Variants in IGF2BP1 observed in about 807,000 individuals in gnomAD.
IGF2BP1 encodes the protein insulin-like growth factor 2 mRNA-binding protein 1.
Under a neutral mutation model 74.9 loss-of-function variants are expected in IGF2BP1, and 11 were observed. That is an observed-to-expected ratio of 0.15 (90% CI 0.09 to 0.24). The LOEUF (loss-of-function observed/expected upper bound fraction) is 0.24. Among genes scored for constraint, IGF2BP1 ranks in the 10% least tolerant of loss-of-function variants. The pLI is 1.00. For synonymous variants in IGF2BP1, 287 were observed against 281.8 expected (o/e 1.02, Z -0.18); for missense variants, 440 against 757.4 (o/e 0.58, Z 4.92).
rs2042191659 is a variant in IGF2BP1, at chr17:49,053,579, T to TA, written c.*4136dup. 1 of 152,732 alleles carries TA rather than the reference T, an allele frequency of 6.5e-6. No individual in the cohort carries two copies. Among genetic ancestry groups the TA allele is most frequent in the Non-Finnish European group, 1.5e-5 (1 of 68,122 alleles). The allele number at this position is 152,732 out of a possible 1,614,324, so 9.5% of individuals were successfully genotyped here. Reference sequence around the variant, plus strand: ...CTGTCCCCTGCCCCTACTGCAGAGATAGCACTGCCGAGTTCCCTTCAGGCC... The same window carrying TA: ...CTGTCCCCTGCCCCTACTGCAGAGATAAGCACTGCCGAGTTCCCTTCAGGCC... On this transcript the variant is annotated 3_prime_UTR_variant, in exon 15 of 15. Coordinates refer to ENST00000290341, the MANE Select transcript of IGF2BP1 (RefSeq NM_006546.4).
intron 5 of IGF2BP1, among the ~76,000 whole-genome samples, chr17:49,032,925 C>T (rs922059453): frequency 6.6e-6 from 1 of 151,784 alleles, no homozygotes; most frequent in African/African-American, 2.4e-5. Context: ...AAGCAATCCT[C>T]CCACCTCAGC....
intron 2 of IGF2BP1, among the ~76,000 whole-genome samples, chr17:49,016,467 C>T (rs79277587): frequency 0.018 from 2,785 of 152,250 alleles, 89 homozygotes; most frequent in African/African-American, 0.064. Context: ...TCCCTTCTCT[C>T]CCCTAAATAT....
chr17:49,055,751 C>T lies in IGF2BP1; in HGVS notation c.*6307C>T. ...AGGCAAAGTGGATTTGTAAGCAGTT[C>T]TGAAACATCACTTACTCAGAAGAGG... On this transcript the variant is annotated 3_prime_UTR_variant, in exon 15 of 15. Coordinates refer to ENST00000290341, the MANE Select transcript of IGF2BP1 (RefSeq NM_006546.4). 5.1e-6 allele frequency: 2 copies of T among 395,268 alleles called. No homozygotes were observed. Among genetic ancestry groups the T allele is most frequent in the Admixed American group, 4.4e-5 (1 of 22,486 alleles). 24.5% of individuals were successfully genotyped at this position (395,268 alleles called of 1,614,324 possible). A position where few individuals can be genotyped will look rare whatever the true frequency, so the allele number is the denominator to read the frequency against.
intron 2 of IGF2BP1, among the ~76,000 whole-genome samples, chr17:49,022,417 C>T (rs542514544): frequency 2.0e-5 from 3 of 152,312 alleles, no homozygotes; most frequent in African/African-American, 4.8e-5. Context: ...CCCCCCGCCC[C>T]GCCCCTCCCG....
chr17:49,038,530 C>T lies in IGF2BP1; in HGVS notation c.683+81C>T, dbSNP rs1407113545. 7.6e-6 allele frequency: 10 copies of T among 1,315,220 alleles called. No homozygotes were observed. In the Admixed American group the frequency reaches 1.1e-4, roughly 14 times the overall value. The allele number at this position is 1,315,220 out of a possible 1,614,324, so 81.5% of individuals were successfully genotyped here. ...CCTAAAGAGGCCTCCTGGAAGCATGCTGGAGACATCAACATTTACCTTTTA... is the reference window on the plus strand; with the variant it reads ...CCTAAAGAGGCCTCCTGGAAGCATGTTGGAGACATCAACATTTACCTTTTA... On this transcript the variant is annotated intron_variant, in intron 6 of 14. Transcript: ENST00000290341.
At chr17:49,043,340 T>C in intron 9 of IGF2BP1, 88 bp from the exon 10 acceptor site, 1 of 1,505,322 alleles carries the variant, frequency 6.6e-7, no homozygotes, top group Non-Finnish European at 9.1e-7. Flanking sequence ...CACTTGCCTC[T>C]GGGGCTACTC....
At chr17:49,010,108 A>T (rs1478604989) in intron 2 of IGF2BP1, among the ~76,000 whole-genome samples, 1 of 152,076 alleles carries the variant, frequency 6.6e-6, no homozygotes, top group East Asian at 1.9e-4. Flanking sequence ...AAAAAACAAA[A>T]AACATTCACA....
At chr17:49,029,715 TC>T (rs1394972338) in intron 4 of IGF2BP1, among the ~76,000 whole-genome samples, 1 of 151,974 alleles carries the variant, frequency 6.6e-6, no homozygotes, top group Admixed American at 6.6e-5. Context: ...GCCTCAAACT[TC>T]TGGGATCAAG....
Position 49,021,095 on chromosome 17 carries a change from G to A in IGF2BP1, c.237-4523G>A, listed in dbSNP as rs1285973897. Among the ~76,000 whole-genome samples the A allele has an allele frequency of 5.3e-5, 8 of 151,890 alleles. No homozygotes were observed. The South Asian group carries it at 1.0e-3, about 20-fold the overall frequency. On this transcript the variant is annotated intron_variant, in intron 2 of 14. Coordinates refer to ENST00000290341, the MANE Select transcript of IGF2BP1 (RefSeq NM_006546.4). Reference sequence around the variant, plus strand: ...GAAGTCGAGGCTGCAGTGAGCCAAGGTCTCACCACTGCACTCCAGCCTGGA... The same window carrying A: ...GAAGTCGAGGCTGCAGTGAGCCAAGATCTCACCACTGCACTCCAGCCTGGA...
Position 48,997,865 on chromosome 17 carries a change from C to A in IGF2BP1, c.120C>A (p.Ala40=). The A allele has an allele frequency of 1.2e-6, 2 of 1,614,234 alleles. No individual in the cohort carries two copies. The highest frequency in any genetic ancestry group is 1.7e-6 in the Non-Finnish European group (2 of 1,180,028). The change falls in exon 1 of 15, where the codon GCC becomes GCA. Residue 40 remains alanine (A), a synonymous_variant. Coordinates refer to ENST00000290341, the MANE Select transcript of IGF2BP1 (RefSeq NM_006546.4). The surrounding 1 kb of genome is among the most constrained non-coding windows in gnomAD (Gnocchi z 4.8). ...AGTTCTTGGTCAAATCCGGCTACGC[C>A]TTCGTGGACTGCCCGGACGAGCACT... ...SGQFLVKSGY[A]FVDCPDEHWA... is the part of the protein sequence containing the mutation.
At chr17:49,001,128 AAG>A (rs2041483749) in intron 2 of IGF2BP1, among the ~76,000 whole-genome samples, 2 of 152,290 alleles carry the variant, frequency 1.3e-5, no homozygotes, top group Non-Finnish European at 1.5e-5. Flanking sequence ...AGATTTAAAA[AAG>A]AAAGTTTGTT....
intron 5 of IGF2BP1, among the ~76,000 whole-genome samples, chr17:49,035,952 C>A (rs57094030): frequency 0.05 from 7,549 of 152,172 alleles, 243 homozygotes; most frequent in East Asian, 0.11. Context: ...GAGTGGAGGC[C>A]GCGGCTCCAG....
At chr17:49,041,870 C>T (rs189780507) in intron 8 of IGF2BP1, among the ~76,000 whole-genome samples, 3 of 152,336 alleles carry the variant, frequency 2.0e-5, no homozygotes, top group East Asian at 1.9e-4. Context: ...TGGTGGGCTG[C>T]TCCTGCAAGC....
intron 10 of IGF2BP1, 23 bp downstream of exon 10, chr17:49,043,573 C>G (rs780532469): frequency 1.4e-5 from 22 of 1,612,112 alleles, no homozygotes; most frequent in Non-Finnish European, 5.1e-6. Context: ...TCTTATTACA[C>G]GGGATCCCTG....
In IGF2BP1 at chr17:49,045,047, G is replaced by C. The variant is rs754609010; in HGVS notation, c.1377G>C (p.Pro459=). ...TTCGTATGGTTATCATCACTGGACC[G>C]CCAGAGGCCCAATTCAAGGTTTTGG... ...SKVRMVIITG[P]PEAQFKAQGR... The change falls in exon 12 of 15, where the codon CCG becomes CCC. Residue 459 remains proline (P), a synonymous_variant. Transcript: ENST00000290341. 5 of 1,613,886 alleles carry C rather than the reference G, an allele frequency of 3.1e-6. No individual in the cohort carries two copies. Among genetic ancestry groups the C allele is most frequent in the Non-Finnish European group, 4.2e-6 (5 of 1,179,802 alleles).
chr17:49,020,469 G>A (rs960272062), intron 2 of IGF2BP1, among the ~76,000 whole-genome samples: 5 of 152,210 alleles, frequency 3.3e-5, no homozygotes, highest in Non-Finnish European at 7.3e-5. Flanking sequence ...GAGATAGAGA[G>A]GTTGAGTATC....
At chr17:49,031,749 G>A (rs1225883253) in intron 4 of IGF2BP1, among the ~76,000 whole-genome samples, 161 bp from the exon 5 acceptor site, 2 of 152,024 alleles carry the variant, frequency 1.3e-5, no homozygotes, top group Admixed American at 6.6e-5. Context: ...TGATCCGCCC[G>A]CCTCGCCCTC....
chr17:49,014,553 TGAG>T (rs2041667570), intron 2 of IGF2BP1, among the ~76,000 whole-genome samples: 1 of 151,002 alleles, frequency 6.6e-6, no homozygotes, highest in Non-Finnish European at 1.5e-5. Context: ...AGAGGGCACT[TGAG>T]GGGGGGAGGA....
chr17:49,010,379 C>T lies in IGF2BP1; in HGVS notation c.236+11210C>T, dbSNP rs553122146. Among the ~76,000 whole-genome samples, 4 of 142,966 alleles carry T rather than the reference C, an allele frequency of 2.8e-5. No homozygotes were observed. The East Asian group carries it at 6.1e-4, about 22-fold the overall frequency. 93.8% of individuals were successfully genotyped at this position (142,966 alleles called of 152,430 possible). A position where few individuals can be genotyped will look rare whatever the true frequency, so the allele number is the denominator to read the frequency against. On this transcript the variant is annotated intron_variant, in intron 2 of 14. Coordinates refer to ENST00000290341, the MANE Select transcript of IGF2BP1 (RefSeq NM_006546.4). ...TCGCCCAGGCTGGAGTGCAGGGGCACGATCTTGGCTCACTGCAAGCTCCGC... is the reference window on the plus strand; with the variant it reads ...TCGCCCAGGCTGGAGTGCAGGGGCATGATCTTGGCTCACTGCAAGCTCCGC...
Sources: gnomAD v4.1 joint callset for allele counts (sites outside exome capture counted in the v4.1 genomes callset) on GRCh38, gnomAD v4.1.1 for gene constraint, Gnocchi (gnomAD v3.1) non-coding constraint, MANE v1.5 for transcripts, NCBI Gene and HGNC (gene_info 2026-07-23, HGNC 2026-07-21) for gene names.